Variants in KLF12 observed in about 807,000 individuals in gnomAD.
KLF12 encodes the protein KLF transcription factor 12, also known as Krueppel-like factor 12.
Under a neutral mutation model 37.8 loss-of-function variants are expected in KLF12, and 9 were observed. That is an observed-to-expected ratio of 0.24 (90% CI 0.14 to 0.42). The LOEUF (loss-of-function observed/expected upper bound fraction) is 0.42. KLF12 is among the 10% of genes least tolerant of loss of function. KLF12 has a pLI of 1.00. For synonymous variants in KLF12, 208 were observed against 202.1 expected (o/e 1.03, Z -0.25); for missense variants, 411 against 516.0 (o/e 0.80, Z 1.97).
upstream of KLF12, among the ~76,000 whole-genome samples, chr13:74,135,483 G>C (rs1258606990): frequency 2.0e-5 from 3 of 151,884 alleles, no homozygotes; most frequent in Non-Finnish European, 4.4e-5. Flanking sequence ...GGGCGGGAGA[G>C]GGAGGAGGCG....
chr13:73,779,557 A>T (rs1880833644), intron 5 of KLF12, among the ~76,000 whole-genome samples: 1 of 152,204 alleles, frequency 6.6e-6, no homozygotes, highest in South Asian at 2.1e-4. Context: ...CCCGAGTTGC[A>T]TCCTTTATCA....
In KLF12 at chr13:73,689,430, G is replaced by A. The variant is rs2137512945; in HGVS notation, c.*6060C>T. On this transcript the variant is annotated 3_prime_UTR_variant, in exon 8 of 8. Coordinates refer to ENST00000377669, the MANE Select transcript of KLF12 (RefSeq NM_007249.5). ...TATAATTTTACTGATAGCCTCAGTA[G>A]CTTGTTTGGGTGAATTTGTGCTCTG... is the stretch of plus-strand genomic sequence containing the variant. The A allele has an allele frequency of 6.6e-6, 1 of 152,274 alleles. No homozygotes were observed. Among genetic ancestry groups the A allele is most frequent in the South Asian group, 2.1e-4 (1 of 4,824 alleles). The allele number at this position is 152,274 out of a possible 1,614,324, so 9.4% of individuals were successfully genotyped here.
intron 1 of KLF12, among the ~76,000 whole-genome samples, chr13:74,013,553 C>T (rs1376460920): frequency 6.6e-6 from 1 of 152,218 alleles, no homozygotes; most frequent in Non-Finnish European, 1.5e-5. Context: ...ACACCATCTA[C>T]ATATCAGCCA....
chr13:73,741,379 T>C (rs756014097), intron 6 of KLF12, among the ~76,000 whole-genome samples: 6 of 152,194 alleles, frequency 3.9e-5, no homozygotes, highest in African/African-American at 7.2e-5. Context: ...ACAAAAGCTT[T>C]AGGTTGGTAA....
At chr13:74,047,679 T>A (rs1334697229) in intron 1 of KLF12, among the ~76,000 whole-genome samples, 1 of 151,262 alleles carries the variant, frequency 6.6e-6, no homozygotes, top group Non-Finnish European at 1.5e-5. Flanking sequence ...TAGCCTAAGA[T>A]AAAGCAAACA....
chr13:73,711,517 G>A (rs544560002), intron 7 of KLF12, among the ~76,000 whole-genome samples: 2 of 152,270 alleles, frequency 1.3e-5, no homozygotes, highest in East Asian at 1.9e-4. Flanking sequence ...TAAATCTAAT[G>A]CTAAATCTGC....
chr13:74,241,629 C>A, the KLF12 span, among the ~76,000 whole-genome samples: 1 of 152,240 alleles, frequency 6.6e-6, no homozygotes, highest in Non-Finnish European at 1.5e-5. Flanking sequence ...CCCTCCAAGC[C>A]AGGTGCCGGA....
chr13:74,177,415 A>G, the KLF12 span, among the ~76,000 whole-genome samples: 1 of 152,210 alleles, frequency 6.6e-6, no homozygotes, highest in Non-Finnish European at 1.5e-5. Flanking sequence ...AGCACTTTAT[A>G]TATATTACCT....
chr13:74,215,309 AAT>A, the KLF12 span, among the ~76,000 whole-genome samples: 1 of 151,688 alleles, frequency 6.6e-6, no homozygotes, highest in Non-Finnish European at 1.5e-5. Context: ...TAATTTTAGC[AAT>A]GTTATTTTTA....
chr13:73,745,614 G>C lies in KLF12; in HGVS notation c.869+19324C>G, dbSNP rs371924848. Among the ~76,000 whole-genome samples, 8 of 152,198 alleles carry C rather than the reference G, an allele frequency of 5.3e-5. No individual in the cohort carries two copies. In the East Asian group the frequency reaches 1.5e-3, roughly 29 times the overall value. On this transcript the variant is annotated intron_variant, in intron 6 of 7. Coordinates refer to ENST00000377669, the MANE Select transcript of KLF12 (RefSeq NM_007249.5). ...TTCACACACCAGGTCAAAATACTAA[G>C]TGTAAAAAGAAAAAGAAAATGCTCC...
chr13:73,892,257 C>A (rs1887544082), intron 3 of KLF12, among the ~76,000 whole-genome samples: 1 of 152,008 alleles, frequency 6.6e-6, no homozygotes, highest in Non-Finnish European at 1.5e-5. Flanking sequence ...AATGGGACAA[C>A]AATGGAAGGC....
At chr13:73,934,416 T>C (rs763637957) in intron 3 of KLF12, among the ~76,000 whole-genome samples, 22 of 152,366 alleles carry the variant, frequency 1.4e-4, no homozygotes, top group Non-Finnish European at 2.5e-4. Context: ...CCATGCATTG[T>C]TATATTTGCT....
intron 1 of KLF12, among the ~76,000 whole-genome samples, chr13:74,022,267 T>C (rs1047797268): frequency 6.6e-6 from 1 of 152,122 alleles, no homozygotes. Flanking sequence ...AGGAGCTTCT[T>C]GGAAATAATC....
At chr13:74,203,505 A>C in the KLF12 span, among the ~76,000 whole-genome samples, 1 of 152,120 alleles carries the variant, frequency 6.6e-6, no homozygotes, top group South Asian at 2.1e-4. Flanking sequence ...TCTTAATGGA[A>C]TCTAAGACAA....
At chr13:73,977,461 AAC>A (rs1178346844) in intron 2 of KLF12, among the ~76,000 whole-genome samples, 2 of 152,226 alleles carry the variant, frequency 1.3e-5, no homozygotes, top group African/African-American at 2.4e-5. Context: ...CTATAAATAT[AAC>A]ACAATGAAAT....
At chr13:74,023,264 G>C (rs1046864566) in intron 1 of KLF12, among the ~76,000 whole-genome samples, 2 of 152,194 alleles carry the variant, frequency 1.3e-5, no homozygotes, top group Non-Finnish European at 2.9e-5. Context: ...TTTTGTTTTT[G>C]AGAATTTTCG....
chr13:74,083,289 G>A (rs1421765488), intron 1 of KLF12, among the ~76,000 whole-genome samples: 1 of 152,168 alleles, frequency 6.6e-6, no homozygotes, highest in Non-Finnish European at 1.5e-5. Context: ...AAGGCAGGCG[G>A]ATCACTTGAG....
intron 1 of KLF12, among the ~76,000 whole-genome samples, chr13:74,090,010 T>A (rs926938768): frequency 5.9e-5 from 9 of 151,988 alleles, no homozygotes; most frequent in African/African-American, 2.2e-4. Flanking sequence ...AAACTCTATT[T>A]GTAGATGTCT....
chr13:74,152,153 G>A, the KLF12 span, among the ~76,000 whole-genome samples: 1 of 152,182 alleles, frequency 6.6e-6, no homozygotes, highest in Non-Finnish European at 1.5e-5. Flanking sequence ...AAAATAGCCT[G>A]AGAGACCACC....
Sources: gnomAD v4.1 joint callset for allele counts (sites outside exome capture counted in the v4.1 genomes callset) on GRCh38, gnomAD v4.1.1 for gene constraint, MANE v1.5 for transcripts, NCBI Gene and HGNC (gene_info 2026-07-23, HGNC 2026-07-21) for gene names.